CCSER1: variants seen among roughly 807,000 people sequenced by gnomAD.
CCSER1 encodes the protein coiled-coil serine rich protein 1.
Under a neutral mutation model 82.0 loss-of-function variants are expected in CCSER1, and 41 were observed. That is an observed-to-expected ratio of 0.50 (90% CI 0.39 to 0.65). The LOEUF (loss-of-function observed/expected upper bound fraction) is 0.65, where lower values mean the gene tolerates loss of function less well. Among genes scored for constraint, CCSER1 ranks in the 30% least tolerant of loss-of-function variants. The pLI is 0.00. For missense variants in CCSER1, 1,119 were observed against 1,064.2 expected, an observed-to-expected ratio of 1.05 and a Z score of -0.72; for synonymous variants, 414 against 383.9, an observed-to-expected ratio of 1.08 and a Z score of -0.92.
At chr4:91,193,612 T>G (rs542981547) in intron 10 of CCSER1, among the ~76,000 whole-genome samples, 1 of 152,192 alleles carries the variant, frequency 6.6e-6, no homozygotes, top group Non-Finnish European at 1.5e-5. Flanking sequence ...GCTACACAAA[T>G]ATTACATGAA....
chr4:91,260,102 C>T (rs1006694101), intron 10 of CCSER1, among the ~76,000 whole-genome samples: 9 of 152,240 alleles, frequency 5.9e-5, no homozygotes, highest in South Asian at 2.1e-4. Context: ...TATTAACATT[C>T]GGGGTTACTG....
At chr4:90,399,410 G>A (rs188659217) in intron 3 of CCSER1, among the ~76,000 whole-genome samples, 1 of 152,112 alleles carries the variant, frequency 6.6e-6, no homozygotes, top group Admixed American at 6.5e-5. Flanking sequence ...TCTTCCTGAT[G>A]TAAAACAAAT....
intron 1 of CCSER1, among the ~76,000 whole-genome samples, chr4:90,189,070 G>A (rs573461682): frequency 1.3e-5 from 2 of 152,062 alleles, no homozygotes; most frequent in East Asian, 3.9e-4. Context: ...GCTGACAGCA[G>A]GGTTGCAAAA....
intron 4 of CCSER1, among the ~76,000 whole-genome samples, chr4:90,431,629 G>A (rs1181086288): frequency 6.6e-6 from 1 of 152,052 alleles, no homozygotes; most frequent in African/African-American, 2.4e-5. Context: ...AAATAAAATA[G>A]TATTGACTTG....
At chr4:91,273,081 C>CT (rs945612511) in intron 10 of CCSER1, among the ~76,000 whole-genome samples, 2 of 151,446 alleles carry the variant, frequency 1.3e-5, no homozygotes, top group African/African-American at 4.9e-5. Context: ...TATGCTGGCT[C>CT]TTTTTTTGGT....
chr4:90,328,254 G>C (rs1372797348), intron 3 of CCSER1, among the ~76,000 whole-genome samples: 1 of 152,088 alleles, frequency 6.6e-6, no homozygotes, highest in Non-Finnish European at 1.5e-5. Flanking sequence ...AGGGAGAATA[G>C]CCAAAACTCT....
chr4:90,687,006 T>C (rs1003245496), intron 6 of CCSER1, among the ~76,000 whole-genome samples: 3 of 152,174 alleles, frequency 2.0e-5, no homozygotes, highest in Non-Finnish European at 2.9e-5. Flanking sequence ...TGCATGAAGG[T>C]TCAGCCCCAC....
intron 4 of CCSER1, among the ~76,000 whole-genome samples, chr4:90,443,564 C>T (rs1161551546): frequency 6.6e-6 from 1 of 151,986 alleles, no homozygotes; most frequent in Non-Finnish European, 1.5e-5. Flanking sequence ...ATGTGAGTAA[C>T]TGAAAATGCG....
chr4:91,433,241 A>T (rs1754435974), intron 10 of CCSER1, among the ~76,000 whole-genome samples: 1 of 152,164 alleles, frequency 6.6e-6, no homozygotes, highest in South Asian at 2.1e-4. Flanking sequence ...GACAAACTAT[A>T]TATTGTCTGT....
intron 1 of CCSER1, among the ~76,000 whole-genome samples, chr4:90,137,327 G>C (rs1004851479): frequency 6.6e-6 from 1 of 152,138 alleles, no homozygotes; most frequent in South Asian, 2.1e-4. Context: ...AAATATAGGG[G>C]AATTGGAGAG....
intron 10 of CCSER1, among the ~76,000 whole-genome samples, chr4:91,415,717 CT>C (rs1258116504): frequency 1.8e-4 from 27 of 152,142 alleles, no homozygotes; most frequent in African/African-American, 6.3e-4. Flanking sequence ...ACATTTATTG[CT>C]TTGCATATGT....
At chr4:91,585,322 C>T (rs1763936072) in intron 10 of CCSER1, among the ~76,000 whole-genome samples, 1 of 151,462 alleles carries the variant, frequency 6.6e-6, no homozygotes, top group Admixed American at 6.6e-5. Context: ...TATGATCCTT[C>T]TCTCTTTTCC....
At chr4:91,247,866 T>G (rs1297399213) in intron 10 of CCSER1, among the ~76,000 whole-genome samples, 1 of 151,680 alleles carries the variant, frequency 6.6e-6, no homozygotes, top group African/African-American at 2.4e-5. Context: ...AGACTCTGTC[T>G]CAAAAAAAAC....
chr4:91,176,898 A>T (rs1257400597), intron 10 of CCSER1, among the ~76,000 whole-genome samples: 3 of 152,170 alleles, frequency 2.0e-5, no homozygotes, highest in African/African-American at 7.2e-5. Context: ...GTCTTGTGCC[A>T]GTTTTCAAAG....
At chr4:90,634,495 C>G (rs1020212105) in intron 6 of CCSER1, among the ~76,000 whole-genome samples, 2 of 151,338 alleles carry the variant, frequency 1.3e-5, no homozygotes, top group Non-Finnish European at 3.0e-5. Flanking sequence ...ACAGTGTTTT[C>G]TACTTCATCA....
intron 9 of CCSER1, among the ~76,000 whole-genome samples, chr4:91,031,044 G>C (rs918975780): frequency 6.6e-6 from 1 of 152,148 alleles, no homozygotes; most frequent in Non-Finnish European, 1.5e-5. Flanking sequence ...GGGAAAATGA[G>C]AAGCAAAAGC....
intron 4 of CCSER1, among the ~76,000 whole-genome samples, chr4:90,448,906 T>G (rs1761066540): frequency 6.6e-6 from 1 of 152,242 alleles, no homozygotes; most frequent in African/African-American, 2.4e-5. Flanking sequence ...TCCCGAGTTC[T>G]TGTCCTGCAT....
At chr4:91,349,771 A>G (rs1344627665) in intron 10 of CCSER1, among the ~76,000 whole-genome samples, 1 of 151,276 alleles carries the variant, frequency 6.6e-6, no homozygotes, top group Non-Finnish European at 1.5e-5. Context: ...GGTACATTTC[A>G]TGAAAGTTTG....
At chr4:90,723,391 C>T (rs1444510778) in intron 6 of CCSER1, among the ~76,000 whole-genome samples, 2 of 151,720 alleles carry the variant, frequency 1.3e-5, no homozygotes, top group African/African-American at 4.8e-5. Flanking sequence ...GGTAAAATGT[C>T]AGGGGCTATG....
Sources: allele counts gnomAD v4.1 joint callset (sites outside exome capture counted in the v4.1 genomes callset), GRCh38; gene constraint gnomAD v4.1.1; transcripts MANE v1.5; gene names NCBI Gene and HGNC (gene_info 2026-07-23, HGNC 2026-07-21).